Variants in MGRN1 observed in about 807,000 individuals in gnomAD.
MGRN1 encodes the protein E3 ubiquitin-protein ligase MGRN1.
Under a neutral mutation model 69.2 loss-of-function variants are expected in MGRN1, and 29 were observed. The observed-to-expected ratio is 0.42, with a 90% CI of 0.31 to 0.57. The LOEUF is 0.57. Ranked by LOEUF, MGRN1 falls within the 20% of genes least tolerant of loss-of-function variation. The pLI, the probability that MGRN1 is intolerant of heterozygous loss-of-function variation, is 0.15. For synonymous variants in MGRN1, 470 were observed against 344.2 expected, an observed-to-expected ratio of 1.37 and a Z score of -4.04; for missense variants, 998 against 796.2, an observed-to-expected ratio of 1.25 and a Z score of -3.05.
At chr16:4,656,199 C>G (rs1246896669) in intron 4 of MGRN1, among the ~76,000 whole-genome samples, 1 of 152,232 alleles carries the variant, frequency 6.6e-6, no homozygotes, top group East Asian at 1.9e-4. Context: ...AGGCACCTGT[C>G]TTAGGGATGC....
chr16:4,665,351 C>G (rs2078778327), intron 7 of MGRN1, among the ~76,000 whole-genome samples, 200 bp downstream of exon 7: 2 of 150,186 alleles, frequency 1.3e-5, no homozygotes, highest in Non-Finnish European at 1.5e-5. Context: ...TGTCAGGAGG[C>G]TTAGCATTTC....
rs771120818 is a variant in MGRN1, at chr16:4,671,397, C to A, written c.733C>A (p.Arg245=). Residue 245 remains arginine (R), a synonymous_variant, in exon 9 of 17, where the codon CGG becomes AGG. Transcript: ENST00000262370. ...GCCCCTCTCTGCTCTCCAGGTGGACCGGGTCAGCTACCTCCTGCAGGAGAT... is the reference window on the plus strand; with the variant it reads ...GCCCCTCTCTGCTCTCCAGGTGGACAGGGTCAGCTACCTCCTGCAGGAGAT... The part of the protein sequence containing the change: ...KPLKQKQIVD[R]VSYLLQEIYG... 6 of 1,614,036 alleles carry A rather than the reference C, an allele frequency of 3.7e-6. No individual in the cohort carries two copies. The South Asian group carries it at 6.6e-5, about 18-fold the overall frequency.
intron 5 of MGRN1, among the ~76,000 whole-genome samples, chr16:4,659,743 A>G (rs2078633843): frequency 6.6e-6 from 1 of 152,250 alleles, no homozygotes; most frequent in Non-Finnish European, 1.5e-5. Flanking sequence ...TTGTGGATGC[A>G]AGTGACAGAA....
At chr16:4,642,466 T>TGTGTGTG (rs2078180936) in intron 1 of MGRN1, among the ~76,000 whole-genome samples, 3 of 141,732 alleles carry the variant, frequency 2.1e-5, no homozygotes, top group African/African-American at 5.3e-5. Context: ...GCCAGCTAAT[T>TGTGTGTG]TGTGTGTGTG....
chr16:4,682,836 C>T lies in MGRN1; in HGVS notation c.1372C>T (p.Pro458Ser), dbSNP rs769929319. 6.3e-7 allele frequency: 1 copy of T among 1,592,404 alleles called. No homozygotes were observed. The stretch of plus-strand genomic sequence containing the variant: ...CTCTGTCCCCAGCACCCTACGGTCC[C>T]CGTCTTCCCCCATCCACGAAGAGGA... ...SKAPDSTLRSPSSPIHEEDEE... is the reference protein window; with the variant it reads ...SKAPDSTLRSSSSPIHEEDEE... Residue 458 changes from proline (P) to serine (S), a missense_variant, in exon 14 of 17, where the codon CCG becomes TCG. Physicochemically the swap from Pro to Ser is moderately conservative, Grantham distance 74 (BLOSUM62 -1). Coordinates refer to ENST00000262370, the MANE Select transcript of MGRN1 (RefSeq NM_015246.4).
intron 1 of MGRN1, among the ~76,000 whole-genome samples, chr16:4,633,318 A>C (rs1273113661): frequency 6.9e-6 from 1 of 145,790 alleles, no homozygotes; most frequent in Non-Finnish European, 1.5e-5. Flanking sequence ...TAAACCAGGA[A>C]GCAGAGCTTG....
intron 1 of MGRN1, among the ~76,000 whole-genome samples, chr16:4,631,100 G>C (rs1297708623): frequency 2.6e-5 from 4 of 152,132 alleles, no homozygotes; most frequent in African/African-American, 4.8e-5. Flanking sequence ...GGGATTACAG[G>C]TGTGAGCCGC....
chr16:4,651,573 T>C (rs1410238437), intron 2 of MGRN1, among the ~76,000 whole-genome samples: 1 of 150,204 alleles, frequency 6.7e-6, no homozygotes, highest in Non-Finnish European at 1.5e-5. Flanking sequence ...TTGGGGGCCC[T>C]GGGGCGGGTT....
chr16:4,661,467 C>G (rs1370727860), intron 5 of MGRN1, among the ~76,000 whole-genome samples: 1 of 152,228 alleles, frequency 6.6e-6, no homozygotes, highest in Non-Finnish European at 1.5e-5. Context: ...TGTGTTCTGC[C>G]AGCCACAGCA....
chr16:4,629,840 G>A (rs925828156), intron 1 of MGRN1, among the ~76,000 whole-genome samples: 5 of 151,882 alleles, frequency 3.3e-5, no homozygotes, highest in Non-Finnish European at 7.4e-5. Flanking sequence ...GAGGTCAGGA[G>A]TTCGAGACCA....
At chr16:4,641,191 A>G (rs1349323859) in intron 1 of MGRN1, among the ~76,000 whole-genome samples, 5 of 152,092 alleles carry the variant, frequency 3.3e-5, no homozygotes, top group Non-Finnish European at 7.4e-5. Context: ...CACACACCAC[A>G]TGTGTGTCAT....
At chr16:4,686,341 G>A (rs770511650) in intron 16 of MGRN1, 56 of 1,539,852 alleles carry the variant, frequency 3.6e-5, no homozygotes, top group Non-Finnish European at 4.7e-5. Context: ...GGGCTCTGAC[G>A]CGCGTCCTTG....
At chr16:4,662,147 G>T (rs1684625) in intron 5 of MGRN1, among the ~76,000 whole-genome samples, 1 of 151,922 alleles carries the variant, frequency 6.6e-6, no homozygotes, top group African/African-American at 2.4e-5. Context: ...CTTTCTTCTC[G>T]TCTGTATTTT....
chr16:4,663,217 C>T (rs959495959), intron 5 of MGRN1, among the ~76,000 whole-genome samples: 1 of 152,122 alleles, frequency 6.6e-6, no homozygotes, highest in Admixed American at 6.5e-5. Context: ...GCATGCGTCA[C>T]CATGCTTGGC....
chr16:4,656,493 C>A (rs1205967323), intron 4 of MGRN1, among the ~76,000 whole-genome samples: 3 of 152,232 alleles, frequency 2.0e-5, no homozygotes. Flanking sequence ...CTGTGGGTCT[C>A]TGCTGGGGCG....
rs1323723811 is a variant in MGRN1, at chr16:4,683,838, T to C, written c.1529-5T>C. Reference sequence around the variant, plus strand: ...TAGGTCCCTAACCTCACCCTCTGCCTGCAGGGACCCGAGCAGCTTCCATTG... The same window carrying C: ...TAGGTCCCTAACCTCACCCTCTGCCCGCAGGGACCCGAGCAGCTTCCATTG... On this transcript the variant is annotated splice_polypyrimidine_tract_variant and splice_region_variant and intron_variant, in intron 15 of 16. Transcript: ENST00000262370. 2 of 1,612,136 alleles carry C rather than the reference T, an allele frequency of 1.2e-6. No homozygotes were observed. Among genetic ancestry groups the C allele is most frequent in the East Asian group, 4.5e-5 (2 of 44,822 alleles).
At chr16:4,686,308 G>A (rs372775412) in intron 16 of MGRN1, 84 of 1,544,790 alleles carry the variant, frequency 5.4e-5, no homozygotes, top group Middle Eastern at 1.7e-4. Flanking sequence ...AAGCCGGTAC[G>A]TGACCTCCCA....
intron 1 of MGRN1, among the ~76,000 whole-genome samples, chr16:4,635,855 G>A (rs1477874639): frequency 7.5e-5 from 11 of 147,548 alleles, no homozygotes; most frequent in Non-Finnish European, 1.6e-4. Context: ...CACCATGTTG[G>A]CCAGGCTGGT....
chr16:4,686,176 A>G (rs1596321407), intron 16 of MGRN1: 4 of 1,492,890 alleles, frequency 2.7e-6, no homozygotes, highest in Admixed American at 2.0e-5. Context: ...CGTGTCCCCA[A>G]GCTGGTGCCC....
Sources: gnomAD v4.1 joint callset for allele counts (sites outside exome capture counted in the v4.1 genomes callset) on GRCh38, gnomAD v4.1.1 for gene constraint, MANE v1.5 for transcripts, NCBI Gene and HGNC (gene_info 2026-07-23, HGNC 2026-07-21) for gene names.